Variants in ADAMTS6 observed in about 807,000 individuals in gnomAD.
The protein encoded by ADAMTS6 is ADAM metallopeptidase with thrombospondin type 1 motif 6.
In ADAMTS6, 23 loss-of-function variants were observed where a neutral mutation model predicts 144.3. The observed-to-expected ratio is 0.16, with a 90% CI of 0.11 to 0.23. The LOEUF (loss-of-function observed/expected upper bound fraction) is 0.23. Among genes scored for constraint, ADAMTS6 ranks in the 10% least tolerant of loss-of-function variants. The probability of loss-of-function intolerance (pLI) is 1.00; values close to 1 mark genes in which losing one functional copy is unlikely to be tolerated. For missense variants in ADAMTS6, 999 were observed against 1,379.6 expected, an observed-to-expected ratio of 0.72 and a Z score of 4.37; for synonymous variants, 444 against 457.5, an observed-to-expected ratio of 0.97 and a Z score of 0.38.
chr5:65,393,892 T>C lies in ADAMTS6; in HGVS notation c.1073+57583A>G, dbSNP rs142323924. On this transcript the variant is annotated intron_variant, in intron 7 of 24. Coordinates refer to ENST00000381055, the MANE Select transcript of ADAMTS6 (RefSeq NM_197941.4). ...TAGTTAGCTTTTATTTCTTTCTTGT[T>C]CATTTGTGTCAGGAAAACTGTGTAG... Among the ~76,000 whole-genome samples, 917 of 152,334 alleles carry C rather than the reference T, an allele frequency of 6.0e-3. 10 individuals carry two copies. Among genetic ancestry groups the C allele is most frequent in the Middle Eastern group, 0.027 (8 of 294 alleles).
chr5:65,390,112 ATATAT>A (rs1300834824), intron 7 of ADAMTS6, among the ~76,000 whole-genome samples: 1 of 152,208 alleles, frequency 6.6e-6, no homozygotes, highest in East Asian at 1.9e-4. Context: ...TTATTCATTT[ATATAT>A]GGCCTGTCAC....
At chr5:65,442,714 TGCA>T (rs1757958627) in intron 7 of ADAMTS6, among the ~76,000 whole-genome samples, 1 of 152,198 alleles carries the variant, frequency 6.6e-6, no homozygotes, top group African/African-American at 2.4e-5. Context: ...GTGCAGGATG[TGCA>T]GGTTTGTTAC....
intron 14 of ADAMTS6, 86 bp from the exon 15 acceptor site, chr5:65,242,292 A>T: frequency 1.1e-6 from 1 of 882,098 alleles, no homozygotes; most frequent in Non-Finnish European, 1.7e-6. Flanking sequence ...ACTCCATCAA[A>T]TTAACTCACT....
intron 14 of ADAMTS6, among the ~76,000 whole-genome samples, chr5:65,259,674 T>G (rs936037038): frequency 3.3e-5 from 5 of 152,102 alleles, no homozygotes; most frequent in African/African-American, 1.2e-4. Flanking sequence ...TACAGACAAG[T>G]CTTTTGAGAA....
At chr5:65,163,757 TATA>T (rs1752937049) in intron 24 of ADAMTS6, among the ~76,000 whole-genome samples, 1 of 152,212 alleles carries the variant, frequency 6.6e-6, no homozygotes, top group Non-Finnish European at 1.5e-5. Context: ...TTCATGTGCA[TATA>T]TTTGACCCTG....
At chr5:65,404,461 C>T (rs905372021) in intron 7 of ADAMTS6, among the ~76,000 whole-genome samples, 2 of 152,156 alleles carry the variant, frequency 1.3e-5, no homozygotes, top group Non-Finnish European at 2.9e-5. Flanking sequence ...CATGTCCCTA[C>T]AAAGGATATG....
intron 7 of ADAMTS6, among the ~76,000 whole-genome samples, chr5:65,413,377 T>C (rs1403413176): frequency 6.6e-6 from 1 of 152,158 alleles, no homozygotes; most frequent in Admixed American, 6.5e-5. Flanking sequence ...TAGGACAGTG[T>C]AATACTCAGA....
chr5:65,441,896 G>A (rs1225243271), intron 7 of ADAMTS6, among the ~76,000 whole-genome samples: 1 of 151,028 alleles, frequency 6.6e-6, no homozygotes, highest in South Asian at 2.1e-4. Context: ...GAATGGAACT[G>A]AAACTCAACA....
intron 21 of ADAMTS6, among the ~76,000 whole-genome samples, chr5:65,195,742 A>T (rs1462647944): frequency 6.6e-6 from 1 of 152,204 alleles, no homozygotes; most frequent in Non-Finnish European, 1.5e-5. Context: ...GAGAGTTTGG[A>T]ACATACAAAT....
chr5:65,183,506 A>G (rs1754481901), intron 22 of ADAMTS6, among the ~76,000 whole-genome samples: 1 of 152,054 alleles, frequency 6.6e-6, no homozygotes, highest in Non-Finnish European at 1.5e-5. Context: ...AGTATATAGT[A>G]TATATAAGGT....
intron 2 of ADAMTS6, among the ~76,000 whole-genome samples, chr5:65,472,672 C>T (rs1370073034): frequency 6.6e-6 from 1 of 152,184 alleles, no homozygotes; most frequent in Non-Finnish European, 1.5e-5. Context: ...TTATTTGCCT[C>T]AGTGTCTATA....
intron 7 of ADAMTS6, among the ~76,000 whole-genome samples, chr5:65,366,013 A>C (rs1042084888): frequency 3.3e-5 from 5 of 152,102 alleles, no homozygotes; most frequent in Admixed American, 6.6e-5. Flanking sequence ...ATAAAACAAA[A>C]AAAAAAATCT....
intron 22 of ADAMTS6, among the ~76,000 whole-genome samples, chr5:65,175,328 CA>C (rs1318528010): frequency 7.1e-6 from 1 of 141,582 alleles, no homozygotes; most frequent in Admixed American, 7.1e-5. Flanking sequence ...AAAGCAAAGT[CA>C]AAAAGAGAGA....
At chr5:65,374,968 T>C (rs972387416) in intron 7 of ADAMTS6, among the ~76,000 whole-genome samples, 3 of 152,132 alleles carry the variant, frequency 2.0e-5, no homozygotes, top group Non-Finnish European at 4.4e-5. Context: ...TATCTACAAC[T>C]ATCTGATCTT....
At chr5:65,409,777 C>T (rs1450938149) in intron 7 of ADAMTS6, among the ~76,000 whole-genome samples, 1 of 152,182 alleles carries the variant, frequency 6.6e-6, no homozygotes, top group African/African-American at 2.4e-5. Flanking sequence ...AATCCAGCAG[C>T]ACATCAAAAA....
chr5:65,284,958 A>G (rs145580195), intron 11 of ADAMTS6, among the ~76,000 whole-genome samples: 1 of 152,222 alleles, frequency 6.6e-6, no homozygotes, highest in African/African-American at 2.4e-5. Context: ...TAAATTCTAT[A>G]TTTACCTATA....
chr5:65,210,118 G>C (rs1756396405), intron 20 of ADAMTS6: 1 of 219,306 alleles, frequency 4.6e-6, no homozygotes, highest in Admixed American at 4.1e-5. Context: ...TTGGCCTGCT[G>C]CTGGCCCACA....
chr5:65,180,204 C>T (rs941602478), intron 22 of ADAMTS6, among the ~76,000 whole-genome samples: 5 of 152,116 alleles, frequency 3.3e-5, no homozygotes, highest in Non-Finnish European at 7.4e-5. Flanking sequence ...AAAATATTAA[C>T]AAATTTTTCA....
chr5:65,370,542 C>A (rs1188706245), intron 7 of ADAMTS6, among the ~76,000 whole-genome samples: 1 of 152,186 alleles, frequency 6.6e-6, no homozygotes, highest in Non-Finnish European at 1.5e-5. Context: ...CGGGTCACTC[C>A]CACCCAAATA....
Sources: allele counts gnomAD v4.1 joint callset (sites outside exome capture counted in the v4.1 genomes callset), GRCh38; gene constraint gnomAD v4.1.1; transcripts MANE v1.5; gene names NCBI Gene and HGNC (gene_info 2026-07-23, HGNC 2026-07-21).